Variants in GRM7 observed in about 807,000 individuals in gnomAD.
The protein encoded by GRM7 is metabotropic glutamate receptor 7.
In GRM7, 35 loss-of-function variants were observed where a neutral mutation model predicts 84.5. The observed-to-expected ratio is 0.41, with a 90% CI of 0.32 to 0.55. GRM7 has a LOEUF of 0.55. GRM7 is among the 20% of genes least tolerant of loss of function. GRM7 has a pLI of 0.19. For missense variants in GRM7, 1,003 were observed against 1,194.6 expected (o/e 0.84, Z 2.36); for synonymous variants, 487 against 455.1 (o/e 1.07, Z -0.89).
At chr3:7,586,911 T>C (rs1386756291) in intron 8 of GRM7, among the ~76,000 whole-genome samples, 1 of 152,232 alleles carries the variant, frequency 6.6e-6, no homozygotes, top group East Asian at 1.9e-4. Flanking sequence ...ACTGTATGAT[T>C]CAATTTATAT....
intron 1 of GRM7, among the ~76,000 whole-genome samples, chr3:7,050,725 T>C (rs74691400): frequency 0.02 from 3,094 of 152,028 alleles, 108 homozygotes; most frequent in African/African-American, 0.071. Flanking sequence ...ATAGGAATGT[T>C]TCTGTATTGA....
At chr3:7,345,228 A>G (rs1692836872) in intron 4 of GRM7, among the ~76,000 whole-genome samples, 1 of 152,006 alleles carries the variant, frequency 6.6e-6, no homozygotes, top group African/African-American at 2.4e-5. Context: ...TGTTTATAAA[A>G]TAATGTTAAT....
At chr3:7,612,541 A>G (rs1696892335) in intron 8 of GRM7, among the ~76,000 whole-genome samples, 1 of 152,158 alleles carries the variant, frequency 6.6e-6, no homozygotes, top group Non-Finnish European at 1.5e-5. Flanking sequence ...TAACTTACAG[A>G]GGACATGGGA....
chr3:6,911,017 C>G (rs1315545826), intron 1 of GRM7, among the ~76,000 whole-genome samples: 2 of 152,100 alleles, frequency 1.3e-5, no homozygotes, highest in Non-Finnish European at 2.9e-5. Flanking sequence ...TTCCTGGGCC[C>G]TGGTTGATTT....
At chr3:7,666,476 G>T (rs1024570767) in intron 8 of GRM7, among the ~76,000 whole-genome samples, 4 of 152,164 alleles carry the variant, frequency 2.6e-5, no homozygotes. Flanking sequence ...TACAAAGATC[G>T]TTCTGGTTGC....
chr3:6,954,074 G>C (rs77207790), intron 1 of GRM7, among the ~76,000 whole-genome samples: 14,077 of 152,076 alleles, frequency 0.093, 684 homozygotes, highest in Middle Eastern at 0.11. Flanking sequence ...GGTATATTAT[G>C]TATATATAAA....
At chr3:7,146,816 C>G (rs1485091700) in intron 2 of GRM7, 148 bp downstream of exon 2, 2 of 621,946 alleles carry the variant, frequency 3.2e-6, no homozygotes, top group African/African-American at 3.7e-5. Flanking sequence ...ATCTGTATGA[C>G]TTTGTTGTTT....
chr3:6,925,795 C>T (rs931770750), intron 1 of GRM7, among the ~76,000 whole-genome samples: 2 of 152,200 alleles, frequency 1.3e-5, no homozygotes, highest in African/African-American at 4.8e-5. Flanking sequence ...CCTGGTGGAA[C>T]TGGAATGAAA....
chr3:7,367,600 G>T (rs1575228460), intron 4 of GRM7, among the ~76,000 whole-genome samples: 1 of 151,824 alleles, frequency 6.6e-6, no homozygotes, highest in African/African-American at 2.4e-5. Flanking sequence ...AAACATGGGA[G>T]GGTTGAGGGC....
At chr3:7,586,395 T>G (rs981162677) in intron 8 of GRM7, among the ~76,000 whole-genome samples, 1 of 151,638 alleles carries the variant, frequency 6.6e-6, no homozygotes, top group South Asian at 2.1e-4. Flanking sequence ...TTTTTTTTTT[T>G]GTAGCTTTAT....
intron 1 of GRM7, among the ~76,000 whole-genome samples, chr3:7,102,084 T>G (rs1367975309): frequency 6.6e-6 from 1 of 151,754 alleles, no homozygotes; most frequent in African/African-American, 2.4e-5. Flanking sequence ...AGTTATATTT[T>G]ACAGCAACTA....
intron 1 of GRM7, among the ~76,000 whole-genome samples, chr3:6,985,360 C>T (rs1273491914): frequency 5.3e-5 from 8 of 152,074 alleles, no homozygotes; most frequent in African/African-American, 1.9e-4. Context: ...CCACCCTCCA[C>T]TACCCTTCCC....
intron 1 of GRM7, among the ~76,000 whole-genome samples, chr3:7,067,907 A>G (rs999643402): frequency 1.6e-4 from 24 of 152,084 alleles, no homozygotes; most frequent in African/African-American, 5.8e-4. Flanking sequence ...GCACATATAA[A>G]TATATTATTC....
In GRM7 at chr3:7,379,612, T is replaced by C. The variant is rs1045516088; in HGVS notation, c.1034-35411T>C. 2.0e-5 allele frequency among the ~76,000 whole-genome samples: 3 copies of C among 152,220 alleles called. No homozygotes were observed. In the South Asian group the frequency reaches 6.2e-4, roughly 32 times the overall value. ...TTGGTTTTCCCTATATATTTTTTCTTATCTTTTTGGTGTAAAATTGACAAA... is the reference window on the plus strand; with the variant it reads ...TTGGTTTTCCCTATATATTTTTTCTCATCTTTTTGGTGTAAAATTGACAAA... On this transcript the variant is annotated intron_variant, in intron 4 of 9. Transcript: ENST00000357716.
intron 9 of GRM7, among the ~76,000 whole-genome samples, chr3:7,696,354 CTA>C (rs1399617521): frequency 2.0e-5 from 3 of 152,146 alleles, no homozygotes; most frequent in Non-Finnish European, 4.4e-5. Flanking sequence ...TTCATTCATT[CTA>C]TAGTTGAACC....
At chr3:7,367,936 C>A (rs56100932) in intron 4 of GRM7, among the ~76,000 whole-genome samples, 1 of 129,594 alleles carries the variant, frequency 7.7e-6, no homozygotes, top group Non-Finnish European at 1.6e-5. Context: ...AACATTAATC[C>A]TCAAAAAAAA....
At chr3:7,007,792 TAGTC>T (rs1322147627) in intron 1 of GRM7, among the ~76,000 whole-genome samples, 1 of 152,196 alleles carries the variant, frequency 6.6e-6, no homozygotes, top group Non-Finnish European at 1.5e-5. Context: ...TGACATAAAA[TAGTC>T]AGCAGTAGCT....
At chr3:7,412,026 C>T (rs1695960490) in intron 4 of GRM7, among the ~76,000 whole-genome samples, 1 of 151,024 alleles carries the variant, frequency 6.6e-6, no homozygotes. Flanking sequence ...TTTGCTCTCT[C>T]CTCTCTCCTC....
chr3:7,053,768 CTT>C (rs1427802775), intron 1 of GRM7, among the ~76,000 whole-genome samples: 1 of 151,320 alleles, frequency 6.6e-6, no homozygotes, highest in Non-Finnish European at 1.5e-5. Flanking sequence ...ATTACTACAT[CTT>C]TAAGTTTTGA....
Sources: gnomAD v4.1 joint callset for allele counts (sites outside exome capture counted in the v4.1 genomes callset) on GRCh38, gnomAD v4.1.1 for gene constraint, MANE v1.5 for transcripts, NCBI Gene and HGNC (gene_info 2026-07-23, HGNC 2026-07-21) for gene names.